Variants in NCOR1 observed in about 807,000 individuals in gnomAD.
The protein encoded by NCOR1 is protein phosphatase 1, regulatory subunit 109.
NCOR1 carries 63 observed loss-of-function variants against 288.1 expected under a neutral mutation model. That is an observed-to-expected ratio of 0.22 (90% CI 0.18 to 0.27). The LOEUF (loss-of-function observed/expected upper bound fraction) is 0.27. Ranked by LOEUF, NCOR1 falls within the 10% of genes least tolerant of loss-of-function variation. The pLI, the probability that NCOR1 is intolerant of heterozygous loss-of-function variation, is 1.00. For synonymous variants in NCOR1, 1,007 were observed against 1,065.9 expected, an observed-to-expected ratio of 0.94 and a Z score of 1.08; for missense variants, 2,397 against 3,019.2, an observed-to-expected ratio of 0.79 and a Z score of 4.83.
chr17:16,138,016 T>A, intron 13 of NCOR1, 142 bp downstream of exon 13: 1 of 593,500 alleles, frequency 1.7e-6, no homozygotes, highest in Admixed American at 3.4e-5. Flanking sequence ...ATTGTAATTA[T>A]CATTACATTA....
chr17:16,099,580 T>C (rs1459378808), intron 20 of NCOR1, among the ~76,000 whole-genome samples: 1 of 152,244 alleles, frequency 6.6e-6, no homozygotes, highest in East Asian at 1.9e-4. Flanking sequence ...GTTTACCATT[T>C]AAAATTACTG....
intron 14 of NCOR1, among the ~76,000 whole-genome samples, chr17:16,130,408 T>C (rs1047912814): frequency 1.3e-5 from 2 of 151,502 alleles, no homozygotes; most frequent in South Asian, 4.2e-4. Context: ...GCAAAAGAGG[T>C]CCACCCCTTC....
rs1568196893 is a variant in NCOR1 at position 16,127,325 on chromosome 17, G to GTATGTATATATACATGTATGTATA, written c.1510-1143_1510-1120dup. 2.0e-5 allele frequency among the ~76,000 whole-genome samples: 2 copies of GTATGTATATATACATGTATGTATA among 100,348 alleles called. 1 individual carries two copies. The highest frequency in any genetic ancestry group is 2.1e-4 in the Admixed American group (2 of 9,632). The allele number at this position is 100,348 out of a possible 152,430, so 65.8% of individuals were successfully genotyped here. Reference sequence around the variant, plus strand: ...TGTATATATACATGTATGTATATATGTATGTATATATACATGTATGTATAT... The same window carrying GTATGTATATATACATGTATGTATA: ...TGTATATATACATGTATGTATATATGTATGTATATATACATGTATGTATATATGTATATATACATGTATGTATAT... On this transcript the variant is annotated intron_variant, in intron 14 of 45. Coordinates refer to ENST00000268712, the MANE Select transcript of NCOR1 (RefSeq NM_006311.4).
At chr17:16,148,936 A>C (rs1182192820) in intron 9 of NCOR1, among the ~76,000 whole-genome samples, 2 of 152,232 alleles carry the variant, frequency 1.3e-5, no homozygotes, top group Middle Eastern at 3.4e-3. Context: ...ATGAAAATAA[A>C]ATCACTGGCA....
intron 2 of NCOR1, among the ~76,000 whole-genome samples, chr17:16,192,510 C>T (rs1057094489): frequency 1.3e-5 from 2 of 151,980 alleles, no homozygotes; most frequent in Non-Finnish European, 2.9e-5. Context: ...ACAAAAATTA[C>T]CTGGGTGTGG....
chr17:16,080,693 T>C lies in NCOR1; in HGVS notation c.3212A>G (p.Gln1071Arg). 6.2e-7 allele frequency: 1 copy of C among 1,613,566 alleles called. No individual in the cohort carries two copies. The highest frequency in any genetic ancestry group is 8.5e-7 in the Non-Finnish European group (1 of 1,179,698). ...TPGTYLTSHNQASYTQETPKP... is the reference protein window; with the variant it reads ...TPGTYLTSHNRASYTQETPKP... Reference sequence around the variant, plus strand: ...GGGTGTTTCTTGAGTGTAGGAAGCCTGATTATGAGAAGTCAAATAAGTGCC... The same window carrying C: ...GGGTGTTTCTTGAGTGTAGGAAGCCCGATTATGAGAAGTCAAATAAGTGCC... Residue 1071 changes from glutamine to arginine, a missense_variant, in exon 24 of 46, where the codon CAG becomes CGG. Coordinates refer to ENST00000268712, the MANE Select transcript of NCOR1 (RefSeq NM_006311.4).
chr17:16,154,527 G>A (rs1336848881), intron 6 of NCOR1, among the ~76,000 whole-genome samples: 1 of 152,106 alleles, frequency 6.6e-6, no homozygotes, highest in African/African-American at 2.4e-5. Flanking sequence ...TGGCAGAAAA[G>A]ACAAAACACG....
chr17:16,052,656 T>C (rs926540811), intron 40 of NCOR1, among the ~76,000 whole-genome samples: 2 of 152,210 alleles, frequency 1.3e-5, no homozygotes, highest in Non-Finnish European at 2.9e-5. Flanking sequence ...CATTCACTGC[T>C]GAATTCTACC....
chr17:16,110,903 C>G (rs567006925), intron 18 of NCOR1, among the ~76,000 whole-genome samples: 1 of 152,344 alleles, frequency 6.6e-6, no homozygotes, highest in Admixed American at 6.5e-5. Context: ...CAGAGACACA[C>G]TGGCTACACT....
At chr17:16,140,011 C>T (rs1422750260) in intron 11 of NCOR1, among the ~76,000 whole-genome samples, 1 of 152,206 alleles carries the variant, frequency 6.6e-6, no homozygotes, top group South Asian at 2.1e-4. Context: ...TGAAATTACA[C>T]ATTAGATTGA....
At chr17:16,153,224 C>A (rs2153387966) in intron 7 of NCOR1, 115 bp downstream of exon 7, 1 of 702,370 alleles carries the variant, frequency 1.4e-6, no homozygotes, top group Non-Finnish European at 2.4e-6. Context: ...TACATCTCTG[C>A]TCAGCTACAT....
intron 27 of NCOR1, 150 bp from the exon 28 acceptor site, chr17:16,073,719 A>G: frequency 1.5e-6 from 1 of 654,358 alleles, no homozygotes; most frequent in Non-Finnish European, 2.2e-6. Flanking sequence ...GATTCATGAA[A>G]ATATTTTCAC....
chr17:16,135,501 T>A (rs1213409611), intron 14 of NCOR1, among the ~76,000 whole-genome samples: 2 of 152,174 alleles, frequency 1.3e-5, no homozygotes, highest in Non-Finnish European at 2.9e-5. Context: ...TATTCCACTT[T>A]ATAAAAAAAT....
chr17:16,133,945 G>A (rs2076025000), intron 14 of NCOR1, among the ~76,000 whole-genome samples: 1 of 152,154 alleles, frequency 6.6e-6, no homozygotes, highest in African/African-American at 2.4e-5. Context: ...CCTCCTCACT[G>A]TAGCCTAGTC....
At chr17:16,049,097 G>T in intron 40 of NCOR1, 109 bp from the exon 41 acceptor site, 1 of 1,186,478 alleles carries the variant, frequency 8.4e-7, no homozygotes, top group Non-Finnish European at 1.1e-6. Flanking sequence ...AGCAAAAGCT[G>T]CCAATTTCTA....
At chr17:16,195,653 G>T (rs1305484780) in intron 1 of NCOR1, among the ~76,000 whole-genome samples, 1 of 152,146 alleles carries the variant, frequency 6.6e-6, no homozygotes, top group East Asian at 1.9e-4. Flanking sequence ...ACCTCATTGT[G>T]CTTTGCTGTT....
At chr17:16,067,849 T>TG (rs1182056309) in intron 32 of NCOR1, 45 bp downstream of exon 32, 2 of 1,526,372 alleles carry the variant, frequency 1.3e-6, no homozygotes, top group Non-Finnish European at 1.8e-6. Context: ...GTCATACTGG[T>TG]GGCATATTTA....
chr17:16,121,334 A>T, intron 15 of NCOR1, 65 bp from the exon 16 acceptor site: 1 of 1,307,154 alleles, frequency 7.7e-7, no homozygotes. Context: ...AGAAGGTTTT[A>T]GTTTTGAATA....
At chr17:16,080,817 GT>G (rs2063281654) in intron 23 of NCOR1, 90 bp from the exon 24 acceptor site, 5 of 1,145,688 alleles carry the variant, frequency 4.4e-6, no homozygotes, top group Non-Finnish European at 5.9e-6. Flanking sequence ...TCCCATTTCT[GT>G]TTAAAAAAAA....
Sources: gnomAD v4.1 joint callset for allele counts (sites outside exome capture counted in the v4.1 genomes callset) on GRCh38, gnomAD v4.1.1 for gene constraint, MANE v1.5 for transcripts, NCBI Gene and HGNC (gene_info 2026-07-23, HGNC 2026-07-21) for gene names.